Variants in LIPI observed in about 807,000 individuals in gnomAD.
LIPI encodes the protein lipase member I.
A neutral mutation model predicts 50.6 loss-of-function variants in LIPI; 59 were observed. The ratio of observed to expected loss-of-function variants is 1.16; its 90% CI spans 0.94 to 1.45. The LOEUF (loss-of-function observed/expected upper bound fraction) is 1.45. LIPI is among the 40% of genes most tolerant of loss of function. The pLI is 0.00. For missense variants in LIPI, 586 were observed against 536.3 expected (o/e 1.09, Z -0.92); for synonymous variants, 203 against 178.2 (o/e 1.14, Z -1.11).
chr21:14,191,463 TATG>T, intron 1 of LIPI, among the ~76,000 whole-genome samples: 2 of 150,896 alleles, frequency 1.3e-5, no homozygotes, highest in Middle Eastern at 6.9e-3. Context: ...AAAGAATATA[TATG>T]ATATGTGAGC....
chr21:14,171,776 T>C (rs1298719944), intron 4 of LIPI, among the ~76,000 whole-genome samples: 13 of 151,812 alleles, frequency 8.6e-5, no homozygotes, highest in Non-Finnish European at 1.6e-4. Context: ...GAAGAAAACC[T>C]AGGCAATACC....
intron 1 of LIPI, among the ~76,000 whole-genome samples, chr21:14,201,589 T>C (rs2020056077): frequency 6.6e-6 from 1 of 152,072 alleles, no homozygotes; most frequent in Non-Finnish European, 1.5e-5. Flanking sequence ...AAAAACCATA[T>C]GATTATCTCA....
At chr21:14,114,692 G>T (rs182358311) in intron 9 of LIPI, among the ~76,000 whole-genome samples, 1 of 152,196 alleles carries the variant, frequency 6.6e-6, no homozygotes, top group African/African-American at 2.4e-5. Context: ...ACATGCCTGA[G>T]TCATGCAGAT....
At chr21:14,146,329 G>T (rs140760630) in intron 8 of LIPI, among the ~76,000 whole-genome samples, 31 of 151,544 alleles carry the variant, frequency 2.0e-4, no homozygotes, top group African/African-American at 7.5e-4. Flanking sequence ...CATTGTCTCA[G>T]AGTATTAAAT....
chr21:14,144,439 T>G, intron 9 of LIPI, 184 bp downstream of exon 9: 1 of 441,504 alleles, frequency 2.3e-6, no homozygotes, highest in East Asian at 3.5e-5. Context: ...GATTCCCAAA[T>G]AAATTTTATT....
intron 9 of LIPI, among the ~76,000 whole-genome samples, chr21:14,112,720 T>C (rs917468844): frequency 6.6e-6 from 1 of 152,112 alleles, no homozygotes; most frequent in African/African-American, 2.4e-5. Context: ...AAAAATGGAA[T>C]CATACTCTTA....
intron 1 of LIPI, among the ~76,000 whole-genome samples, chr21:14,206,446 G>A (rs2020227828): frequency 6.6e-6 from 1 of 152,024 alleles, no homozygotes. Flanking sequence ...TGATTTTATG[G>A]TGTATAAAGA....
At chr21:14,119,153 C>T (rs1416359350) in intron 9 of LIPI, among the ~76,000 whole-genome samples, 4 of 152,176 alleles carry the variant, frequency 2.6e-5, no homozygotes, top group Non-Finnish European at 5.9e-5. Flanking sequence ...TATACCTGGA[C>T]TAGACTTCTC....
chr21:14,181,476 C>T (rs1353385714), intron 4 of LIPI, among the ~76,000 whole-genome samples: 1 of 152,044 alleles, frequency 6.6e-6, no homozygotes, highest in African/African-American at 2.4e-5. Context: ...TTGTCAACAG[C>T]ATGAACAGAA....
rs193067212 is a variant in LIPI, at chr21:14,165,995, T to C, written c.733+367A>G. Among the ~76,000 whole-genome samples, 289 of 152,312 alleles carry C rather than the reference T, an allele frequency of 1.9e-3. 2 individuals are homozygous for C. The highest frequency in any genetic ancestry group is 6.8e-3 in the African/African-American group (282 of 41,570). On this transcript the variant is annotated intron_variant, in intron 5 of 9. Coordinates refer to ENST00000681601, the MANE Select transcript of LIPI (RefSeq NM_001302998.2). ...AATCAAGTGTCAAGAGTTTTTACAA[T>C]TGTCTTTGTACAGTAATATGGTGAT...
intron 9 of LIPI, among the ~76,000 whole-genome samples, chr21:14,116,640 A>T (rs367614183): frequency 6.6e-6 from 1 of 152,146 alleles, no homozygotes; most frequent in Non-Finnish European, 1.5e-5. Context: ...AACCATAGAT[A>T]TGGAAATAAT....
At chr21:14,187,265 G>T (rs559650774) in intron 2 of LIPI, among the ~76,000 whole-genome samples, 1 of 152,222 alleles carries the variant, frequency 6.6e-6, no homozygotes, top group African/African-American at 2.4e-5. Context: ...ACACTCTTGG[G>T]GAGCTATTGT....
At chr21:14,117,152 G>C (rs1776935547) in intron 9 of LIPI, among the ~76,000 whole-genome samples, 4 of 152,194 alleles carry the variant, frequency 2.6e-5, no homozygotes. Flanking sequence ...CTAGAGGACA[G>C]ATCTATTTAG....
At position 14,176,471 on chromosome 21, in the gene LIPI, A is replaced by G. The variant is rs1370180262; in HGVS notation, c.643+5287T>C. Among the ~76,000 whole-genome samples the G allele has an allele frequency of 2.6e-5, 4 of 151,954 alleles. No individual in the cohort carries two copies. The East Asian group carries it at 7.7e-4, about 29-fold the overall frequency. On this transcript the variant is annotated intron_variant, in intron 4 of 9. Coordinates refer to ENST00000681601, the MANE Select transcript of LIPI (RefSeq NM_001302998.2). Reference sequence around the variant, plus strand: ...TCTAGCCATGGCCTTTGCTGAATCCAAAAAGGTTTAATATGCAATAATGTG... The same window carrying G: ...TCTAGCCATGGCCTTTGCTGAATCCGAAAAGGTTTAATATGCAATAATGTG...
chr21:14,118,665 C>T (rs1210579799), intron 9 of LIPI, among the ~76,000 whole-genome samples: 1 of 152,170 alleles, frequency 6.6e-6, no homozygotes, highest in Non-Finnish European at 1.5e-5. Context: ...TATAGTGTGG[C>T]TGAAAGAGAA....
chr21:14,161,029 T>C (rs1293598817), intron 7 of LIPI, among the ~76,000 whole-genome samples: 1 of 151,288 alleles, frequency 6.6e-6, no homozygotes, highest in Non-Finnish European at 1.5e-5. Flanking sequence ...ATTGGGATAA[T>C]GTAAAGTGGT....
At chr21:14,165,846 C>T (rs1338331280) in intron 5 of LIPI, among the ~76,000 whole-genome samples, 1 of 152,170 alleles carries the variant, frequency 6.6e-6, no homozygotes, top group Non-Finnish European at 1.5e-5. Context: ...AGCTACAGTG[C>T]CCTTTGGTCA....
intron 4 of LIPI, among the ~76,000 whole-genome samples, chr21:14,169,228 C>A (rs1223608258): frequency 6.6e-6 from 1 of 152,072 alleles, no homozygotes; most frequent in Non-Finnish European, 1.5e-5. Context: ...CCTGAGTGAC[C>A]TACAAAGAGA....
intron 9 of LIPI, chr21:14,144,007 T>C (rs1047771352): frequency 5.7e-6 from 1 of 175,274 alleles, no homozygotes; most frequent in Non-Finnish European, 1.3e-5. Context: ...CAGGTGACTA[T>C]AAAACTGCAA....
Sources: gnomAD v4.1 joint callset for allele counts (sites outside exome capture counted in the v4.1 genomes callset) on GRCh38, gnomAD v4.1.1 for gene constraint, MANE v1.5 for transcripts, NCBI Gene and HGNC (gene_info 2026-07-23, HGNC 2026-07-21) for gene names.